MACROD2: variants seen among roughly 807,000 people sequenced by gnomAD.
MACROD2 encodes mono-ADP ribosylhydrolase 2, also known as ADP-ribose glycohydrolase MACROD2.
MACROD2 carries 36 observed loss-of-function variants against 70.4 expected under a neutral mutation model. The ratio of observed to expected loss-of-function variants is 0.51; its 90% CI spans 0.39 to 0.68. The LOEUF (loss-of-function observed/expected upper bound fraction) is 0.68. Among genes scored for constraint, MACROD2 ranks in the 30% least tolerant of loss-of-function variants. The pLI is 0.00. For synonymous variants in MACROD2, 172 were observed against 178.8 expected (o/e 0.96, Z 0.30); for missense variants, 496 against 538.4 (o/e 0.92, Z 0.78).
chr20:15,373,141 C>A (rs965251083), intron 6 of MACROD2, among the ~76,000 whole-genome samples: 1 of 152,094 alleles, frequency 6.6e-6, no homozygotes, highest in Non-Finnish European at 1.5e-5. Context: ...TGTTTCTATA[C>A]CTACTTAGGC....
At chr20:14,108,407 A>T (rs2054400254) in intron 3 of MACROD2, among the ~76,000 whole-genome samples, 1 of 151,912 alleles carries the variant, frequency 6.6e-6, no homozygotes, top group African/African-American at 2.4e-5. Flanking sequence ...ATCCTTACCT[A>T]TCAATAATAA....
At chr20:15,718,112 T>A (rs1185247011) in intron 8 of MACROD2, among the ~76,000 whole-genome samples, 3 of 151,534 alleles carry the variant, frequency 2.0e-5, no homozygotes, top group Non-Finnish European at 4.4e-5. Context: ...TTCAAGTGAT[T>A]CTCCTGCCTC....
intron 2 of MACROD2, among the ~76,000 whole-genome samples, chr20:14,041,249 A>G (rs1415522900): frequency 6.6e-6 from 1 of 152,184 alleles, no homozygotes; most frequent in African/African-American, 2.4e-5. Flanking sequence ...TAAGTAGGAG[A>G]TGAACCAGAA....
intron 5 of MACROD2, among the ~76,000 whole-genome samples, chr20:14,763,386 G>A (rs1042087088): frequency 1.3e-5 from 2 of 152,108 alleles, no homozygotes; most frequent in African/African-American, 4.8e-5. Flanking sequence ...TTCTAAAAGG[G>A]AAAGACAGAA....
At chr20:15,324,849 G>C (rs949511028) in intron 6 of MACROD2, among the ~76,000 whole-genome samples, 1 of 152,072 alleles carries the variant, frequency 6.6e-6, no homozygotes, top group Non-Finnish European at 1.5e-5. Flanking sequence ...AGGCAATATA[G>C]GTAAGTCTTA....
chr20:15,295,142 TC>T, intron 6 of MACROD2, among the ~76,000 whole-genome samples: 1 of 152,272 alleles, frequency 6.6e-6, no homozygotes, highest in African/African-American at 2.4e-5. Flanking sequence ...AAAGGGCAGT[TC>T]CCCTGCACAT....
intron 5 of MACROD2, among the ~76,000 whole-genome samples, chr20:15,185,078 ATCTTG>A (rs1289321702): frequency 6.6e-6 from 1 of 152,162 alleles, no homozygotes. Context: ...TTGCATGCAC[ATCTTG>A]TCTTGTTACT....
chr20:14,118,302 A>G (rs771965964), intron 3 of MACROD2, among the ~76,000 whole-genome samples: 3 of 152,228 alleles, frequency 2.0e-5, no homozygotes, highest in Non-Finnish European at 4.4e-5. Context: ...AGAAGGCATT[A>G]AACAGGGTAT....
intron 8 of MACROD2, among the ~76,000 whole-genome samples, chr20:15,782,172 ATGAATT>A (rs1336777540): frequency 3.3e-5 from 5 of 152,144 alleles, no homozygotes; most frequent in Non-Finnish European, 7.4e-5. Context: ...TGAAGAAAAG[ATGAATT>A]TGAAGATTAA....
chr20:14,983,652 G>A (rs757862254), intron 5 of MACROD2, among the ~76,000 whole-genome samples: 1 of 152,120 alleles, frequency 6.6e-6, no homozygotes, highest in Non-Finnish European at 1.5e-5. Flanking sequence ...CCATGATTGT[G>A]AGGCCTCCCC....
chr20:15,951,151 G>C (rs527704909), intron 12 of MACROD2, among the ~76,000 whole-genome samples: 2 of 151,970 alleles, frequency 1.3e-5, no homozygotes, highest in Non-Finnish European at 2.9e-5. Context: ...GAGTGGTATC[G>C]GAAAAACATT....
intron 5 of MACROD2, among the ~76,000 whole-genome samples, chr20:15,186,442 GGTCTT>G (rs1355244696): frequency 1.3e-5 from 2 of 151,922 alleles, no homozygotes; most frequent in Non-Finnish European, 2.9e-5. Flanking sequence ...AGTGTGTGTG[GGTCTT>G]GTCTTCATAA....
At chr20:14,162,192 G>T (rs912971288) in intron 3 of MACROD2, among the ~76,000 whole-genome samples, 1 of 152,088 alleles carries the variant, frequency 6.6e-6, no homozygotes, top group Admixed American at 6.5e-5. Context: ...AGTTCCTCTT[G>T]TTATTGATTT....
chr20:14,453,054 G>A (rs771564011), intron 3 of MACROD2, among the ~76,000 whole-genome samples: 1 of 152,140 alleles, frequency 6.6e-6, no homozygotes, highest in Non-Finnish European at 1.5e-5. Context: ...CAACTCTAAA[G>A]AAAGAGGTTT....
chr20:15,701,421 C>G (rs990664832), intron 8 of MACROD2, among the ~76,000 whole-genome samples: 1 of 152,104 alleles, frequency 6.6e-6, no homozygotes, highest in African/African-American at 2.4e-5. Context: ...ATTCTACTTT[C>G]AATTATTCGT....
intron 5 of MACROD2, among the ~76,000 whole-genome samples, chr20:15,051,337 GAT>G (rs1491160636): frequency 1.5e-5 from 2 of 136,410 alleles, no homozygotes; most frequent in Non-Finnish European, 3.1e-5. Flanking sequence ...ATCAGTAGGA[GAT>G]GTGTGTGTGT....
At chr20:14,892,339 GTGGTGCACGCC>G (rs977182884) in intron 5 of MACROD2, among the ~76,000 whole-genome samples, 2 of 152,042 alleles carry the variant, frequency 1.3e-5, no homozygotes, top group African/African-American at 4.8e-5. Flanking sequence ...GCCGGGCTTG[GTGGTGCACGCC>G]TGTAATCCCA....
chr20:14,820,248 C>G (rs189613784), intron 5 of MACROD2, among the ~76,000 whole-genome samples: 1 of 151,860 alleles, frequency 6.6e-6, no homozygotes, highest in African/African-American at 2.4e-5. Flanking sequence ...TTCTATCTGC[C>G]GGCCAAAGAT....
chr20:14,878,471 A>G (rs2073574732), intron 5 of MACROD2, among the ~76,000 whole-genome samples: 1 of 152,126 alleles, frequency 6.6e-6, no homozygotes, highest in African/African-American at 2.4e-5. Context: ...TTTAAAGTAA[A>G]ACTATAAGAA....
Sources: allele counts gnomAD v4.1 joint callset (sites outside exome capture counted in the v4.1 genomes callset), GRCh38; gene constraint gnomAD v4.1.1; transcripts MANE v1.5; gene names NCBI Gene and HGNC (gene_info 2026-07-23, HGNC 2026-07-21).